The following CRIM1 variants were observed in gnomAD, a reference collection of about 807,000 sequenced individuals.
CRIM1 encodes the protein cysteine-rich motor neuron 1 protein.
Under a neutral mutation model 116.4 loss-of-function variants are expected in CRIM1, and 32 were observed. The observed-to-expected ratio is 0.27, with a 90% CI of 0.21 to 0.37. The LOEUF (loss-of-function observed/expected upper bound fraction) is 0.37, where lower values mean the gene tolerates loss of function less well. Among genes scored for constraint, CRIM1 ranks in the 10% least tolerant of loss-of-function variants. CRIM1 has a pLI of 1.00. For missense variants in CRIM1, 1,331 were observed against 1,354.8 expected, an observed-to-expected ratio of 0.98 and a Z score of 0.28; for synonymous variants, 590 against 509.2, an observed-to-expected ratio of 1.16 and a Z score of -2.13.
chr2:36,476,739 T>G (rs915899620), intron 5 of CRIM1, 150 bp from the exon 6 acceptor site: 2 of 645,158 alleles, frequency 3.1e-6, no homozygotes, highest in Non-Finnish European at 5.4e-6. Context: ...CTTTATTGTT[T>G]TCTGTTACAT....
intron 1 of CRIM1, among the ~76,000 whole-genome samples, chr2:36,363,522 C>A (rs969974533): frequency 2.1e-5 from 2 of 97,250 alleles, no homozygotes; most frequent in Non-Finnish European, 4.5e-5. Flanking sequence ...ATTCAGCAGT[C>A]GTCGCCGCCC....
At chr2:36,473,809 G>C (rs1322606702) in intron 5 of CRIM1, among the ~76,000 whole-genome samples, 1 of 152,008 alleles carries the variant, frequency 6.6e-6, no homozygotes, top group Non-Finnish European at 1.5e-5. Context: ...TGGCTCTTGG[G>C]CTGCTAGGAA....
At chr2:36,538,598 CAT>C (rs1428695233) in intron 14 of CRIM1, among the ~76,000 whole-genome samples, 9 of 152,212 alleles carry the variant, frequency 5.9e-5, no homozygotes, top group African/African-American at 2.2e-4. Flanking sequence ...GAGCTCTGCA[CAT>C]GTTGGCCTTT....
At chr2:36,518,139 A>G (rs1034887286) in intron 12 of CRIM1, among the ~76,000 whole-genome samples, 22 of 152,202 alleles carry the variant, frequency 1.4e-4, no homozygotes, top group Admixed American at 7.2e-4. Flanking sequence ...TTAGCAGGTA[A>G]ATGTATGGCC....
At chr2:36,465,542 C>T (rs900566034) in intron 5 of CRIM1, among the ~76,000 whole-genome samples, 4 of 152,310 alleles carry the variant, frequency 2.6e-5, no homozygotes, top group African/African-American at 7.2e-5. Context: ...ATAAGGTCTC[C>T]TGCCCTCCCA....
rs1164826132 is a variant in CRIM1, at chr2:36,550,071, G to GCA, written c.*1371_*1372insAC. ...TGTGTGTGTGTGTGTGTGTGTGCGC[G>GCA]CGCACGCACGCCTTGAGCAGTCAGC... is the stretch of plus-strand genomic sequence containing the variant. On this transcript the variant is annotated 3_prime_UTR_variant, in exon 17 of 17. Coordinates refer to ENST00000280527, the MANE Select transcript of CRIM1 (RefSeq NM_016441.3). The GCA allele has an allele frequency of 5.9e-5, 9 of 152,344 alleles. No individual in the cohort carries two copies. The highest frequency in any genetic ancestry group is 2.1e-4 in the South Asian group (1 of 4,806). 9.4% of individuals were successfully genotyped at this position (152,344 alleles called of 1,614,324 possible). A position where few individuals can be genotyped will look rare whatever the true frequency, so the allele number is the denominator to read the frequency against.
rs72865004 is a variant in CRIM1 at position 36,412,328 on chromosome 2, C to G, written c.505+15541C>G. On this transcript the variant is annotated intron_variant, in intron 2 of 16. Coordinates refer to ENST00000280527, the MANE Select transcript of CRIM1 (RefSeq NM_016441.3). The stretch of plus-strand genomic sequence containing the variant: ...GAATACCGAGGACAAAGGTAAAGAT[C>G]GACATAGAATGGAAGTCACCAGATT... Among the ~76,000 whole-genome samples the G allele has an allele frequency of 4.8e-3, 732 of 152,130 alleles. 5 individuals carry two copies. Among genetic ancestry groups the G allele is most frequent in the African/African-American group, 0.017 (711 of 41,466 alleles).
chr2:36,401,192 T>C (rs571277376), intron 2 of CRIM1, among the ~76,000 whole-genome samples: 2 of 152,204 alleles, frequency 1.3e-5, no homozygotes, highest in Non-Finnish European at 2.9e-5. Context: ...TGTGTATTAC[T>C]TATGTTTGTT....
intron 2 of CRIM1, among the ~76,000 whole-genome samples, chr2:36,418,226 G>C (rs1673769715): frequency 1.3e-5 from 2 of 152,220 alleles, no homozygotes; most frequent in South Asian, 4.1e-4. Context: ...TCAAGGCACA[G>C]TGCAGGAGTG....
chr2:36,415,031 GC>G (rs903395987), intron 2 of CRIM1, among the ~76,000 whole-genome samples: 3 of 152,162 alleles, frequency 2.0e-5, no homozygotes, highest in Admixed American at 6.5e-5. Context: ...CTGAAGAAGA[GC>G]CCAGCCAGGA....
intron 4 of CRIM1, among the ~76,000 whole-genome samples, chr2:36,448,765 A>G (rs1408221299): frequency 2.6e-5 from 4 of 152,362 alleles, no homozygotes; most frequent in South Asian, 2.1e-4. Context: ...GTTATTGAGA[A>G]AAGTCCAATC....
intron 11 of CRIM1, among the ~76,000 whole-genome samples, 179 bp from the exon 12 acceptor site, chr2:36,517,148 T>C (rs1665083951): frequency 6.6e-6 from 1 of 152,228 alleles, no homozygotes; most frequent in African/African-American, 2.4e-5. Context: ...TTAGCTCTTT[T>C]GCCATTGTCT....
chr2:36,454,633 A>G (rs1444977093), intron 4 of CRIM1, among the ~76,000 whole-genome samples: 24 of 152,166 alleles, frequency 1.6e-4, no homozygotes, highest in Admixed American at 1.5e-3. Context: ...ACCCCAAGAC[A>G]TGTTTTCTTT....
intron 9 of CRIM1, 27 bp from the exon 10 acceptor site, chr2:36,512,246 A>T: frequency 6.2e-7 from 1 of 1,606,128 alleles, no homozygotes. Context: ...TGATTTTCTG[A>T]CCTCTGACAA....
chr2:36,473,223 GA>G (rs1372101621), intron 5 of CRIM1, among the ~76,000 whole-genome samples: 1 of 152,194 alleles, frequency 6.6e-6, no homozygotes, highest in Admixed American at 6.5e-5. Flanking sequence ...CATGCAAGGG[GA>G]CATATTAAAT....
intron 1 of CRIM1, among the ~76,000 whole-genome samples, chr2:36,388,714 G>A (rs1210172950): frequency 2.0e-5 from 3 of 152,194 alleles, no homozygotes; most frequent in Admixed American, 1.3e-4. Context: ...GAACTGTGAA[G>A]TAGGAGAGTT....
At chr2:36,464,195 A>G (rs1558331880) in intron 4 of CRIM1, among the ~76,000 whole-genome samples, 1 of 152,246 alleles carries the variant, frequency 6.6e-6, no homozygotes, top group East Asian at 1.9e-4. Flanking sequence ...CATAACAGAT[A>G]CATATGAAGA....
At chr2:36,499,907 G>T in intron 8 of CRIM1, among the ~76,000 whole-genome samples, 1 of 152,140 alleles carries the variant, frequency 6.6e-6, no homozygotes, top group East Asian at 1.9e-4. Context: ...TTCTTCTGCC[G>T]GAATAAACAT....
intron 2 of CRIM1, among the ~76,000 whole-genome samples, chr2:36,419,550 A>G (rs1673894448): frequency 1.3e-5 from 2 of 152,214 alleles, no homozygotes; most frequent in Admixed American, 1.3e-4. Flanking sequence ...ATAATGTACC[A>G]CGTTCTTAGT....
Sources: allele counts gnomAD v4.1 joint callset (sites outside exome capture counted in the v4.1 genomes callset), GRCh38; gene constraint gnomAD v4.1.1; transcripts MANE v1.5; gene names NCBI Gene and HGNC (gene_info 2026-07-23, HGNC 2026-07-21).